The following MAN2B2 variants were observed in gnomAD, a reference collection of about 807,000 sequenced individuals.
MAN2B2 encodes the protein mannosidase alpha class 2B member 2.
In MAN2B2, 106 loss-of-function variants were observed where a neutral mutation model predicts 117.1. The observed-to-expected ratio is 0.90, with a 90% CI of 0.77 to 1.06. MAN2B2 has a LOEUF of 1.06. Among genes scored for constraint, MAN2B2 ranks in the 50% least tolerant of loss-of-function variants. The pLI is 0.00. For synonymous variants in MAN2B2, 544 were observed against 595.1 expected (o/e 0.91, Z 1.25); for missense variants, 1,326 against 1,381.4 (o/e 0.96, Z 0.64).
At chr4:6,584,799 G>A (rs185099715) in intron 3 of MAN2B2, among the ~76,000 whole-genome samples, 84 of 152,342 alleles carry the variant, frequency 5.5e-4, no homozygotes, top group Middle Eastern at 3.4e-3. Context: ...CTGACAGGAG[G>A]GAGTAAGCGT....
At chr4:6,578,583 CTCTG>C in intron 3 of MAN2B2, 85 bp downstream of exon 3, 1 of 1,122,418 alleles carries the variant, frequency 8.9e-7, no homozygotes, top group African/African-American at 1.5e-5. Context: ...AGGTTCTGAG[CTCTG>C]TCTGCCCCTC....
rs758200590 is a variant in MAN2B2, at chr4:6,621,393, C to G, written c.*108C>G. On this transcript the variant is annotated 3_prime_UTR_variant, in exon 19 of 19. Transcript: ENST00000285599. ...CGGAGGGATGGGACTGGGGAGTCAG[C>G]TGCTCATCTGCAGGCTAATGGCAGG... 2 of 794,386 alleles carry G rather than the reference C, an allele frequency of 2.5e-6. No individual in the cohort carries two copies. Among genetic ancestry groups the G allele is most frequent in the Non-Finnish European group, 3.9e-6 (2 of 513,906 alleles). The allele number at this position is 794,386 out of a possible 1,614,324, so 49.2% of individuals were successfully genotyped here. A position where few individuals can be genotyped will look rare whatever the true frequency, so the allele number is the denominator to read the frequency against.
intron 5 of MAN2B2, among the ~76,000 whole-genome samples, chr4:6,591,763 G>A (rs923259720): frequency 3.3e-5 from 5 of 152,142 alleles, no homozygotes; most frequent in African/African-American, 1.2e-4. Context: ...TGGGGACCAG[G>A]AGTGTGGAGC....
intron 3 of MAN2B2, among the ~76,000 whole-genome samples, chr4:6,581,132 C>T (rs1480640397): frequency 6.6e-6 from 1 of 152,102 alleles, no homozygotes; most frequent in Non-Finnish European, 1.5e-5. Flanking sequence ...CTTACAAATG[C>T]TTATTTGTAG....
chr4:6,592,739 C>T (rs1315662601), intron 5 of MAN2B2, among the ~76,000 whole-genome samples: 1 of 152,212 alleles, frequency 6.6e-6, no homozygotes, highest in Non-Finnish European at 1.5e-5. Context: ...TCCACACCCC[C>T]AGCCTAAGGC....
intron 15 of MAN2B2, among the ~76,000 whole-genome samples, chr4:6,611,900 A>T (rs1711586526): frequency 6.6e-6 from 1 of 152,222 alleles, no homozygotes; most frequent in Admixed American, 6.5e-5. Flanking sequence ...CTGTACCTCC[A>T]CTGAGCTTCT....
chr4:6,575,794 ACCT>A (rs1726034712), intron 1 of MAN2B2, among the ~76,000 whole-genome samples: 1 of 151,954 alleles, frequency 6.6e-6, no homozygotes, highest in African/African-American at 2.4e-5. Flanking sequence ...ACCTGTGGTC[ACCT>A]CCTGGTTCTG....
At position 6,576,647 on chromosome 4, in the gene MAN2B2, C is replaced by G. The variant is rs548310163; in HGVS notation, c.208C>G (p.Arg70Gly). ...VVEELARGQQRRFIAVEQEFF... is the reference protein window; with the variant it reads ...VVEELARGQQGRFIAVEQEFF... The stretch of plus-strand genomic sequence containing the variant: ...GGAAGAGCTGGCCCGCGGCCAGCAG[C>G]GCCGGTTCATCGCTGTGGAGCAGGA... Residue 70 changes from arginine to glycine, a missense_variant, in exon 2 of 19, where the codon CGC (arginine) becomes GGC (glycine). Coordinates refer to ENST00000285599, the MANE Select transcript of MAN2B2 (RefSeq NM_015274.3). 6.2e-7 allele frequency: 1 copy of G among 1,613,950 alleles called. No homozygotes were observed. The highest frequency in any genetic ancestry group is 1.1e-5 in the South Asian group (1 of 91,082).
At chr4:6,615,174 T>C (rs981364465) in intron 16 of MAN2B2, among the ~76,000 whole-genome samples, 2 of 152,312 alleles carry the variant, frequency 1.3e-5, no homozygotes, top group African/African-American at 2.4e-5. Context: ...GGCAGGCGGA[T>C]TGCTTGAGCC....
At position 6,620,028 on chromosome 4, in the gene MAN2B2, G is replaced by A; in HGVS notation, c.2916G>A (p.Gly972=). The change falls in exon 18 of 19, where the codon GGG becomes GGA. Residue 972 remains glycine (G), a synonymous_variant. Transcript: ENST00000285599. ...SMLHRWSWRT[G]PGRHRGDTTS... is the part of the protein sequence containing the mutation. Reference sequence around the variant, plus strand: ...TGCACCGCTGGAGCTGGAGGACGGGGCCTGGCCGCCACAGAGGTTTGGGGA... The same window carrying A: ...TGCACCGCTGGAGCTGGAGGACGGGACCTGGCCGCCACAGAGGTTTGGGGA... The A allele has an allele frequency of 6.2e-7, 1 of 1,612,050 alleles. No homozygotes were observed. The highest frequency in any genetic ancestry group is 8.5e-7 in the Non-Finnish European group (1 of 1,179,248).
intron 17 of MAN2B2, 152 bp downstream of exon 17, chr4:6,617,644 G>C: frequency 6.8e-7 from 1 of 1,460,988 alleles, no homozygotes; most frequent in Middle Eastern, 1.8e-4. Flanking sequence ...ATGGTCTTCT[G>C]GGTTTGTCAG....
At chr4:6,617,014 A>G (rs1452835456) in intron 16 of MAN2B2, among the ~76,000 whole-genome samples, 1 of 152,190 alleles carries the variant, frequency 6.6e-6, no homozygotes, top group Non-Finnish European at 1.5e-5. Context: ...AGGCCTCACA[A>G]TCATGGCAGA....
At chr4:6,610,127 T>G (rs1473984009) in intron 13 of MAN2B2, 77 bp downstream of exon 13, 13 of 1,529,178 alleles carry the variant, frequency 8.5e-6, no homozygotes, top group Non-Finnish European at 1.2e-5. Context: ...ATTGCAGCAG[T>G]AGAGGCCAGT....
At chr4:6,602,968 A>G (rs962542190) in intron 10 of MAN2B2, among the ~76,000 whole-genome samples, 4 of 151,940 alleles carry the variant, frequency 2.6e-5, no homozygotes, top group Non-Finnish European at 4.4e-5. Flanking sequence ...GAGCCACCAC[A>G]CCAGGCCTGT....
chr4:6,614,115 A>G lies in MAN2B2; in HGVS notation c.2564-103A>G, dbSNP rs1260665086. 4.9e-6 allele frequency: 7 copies of G among 1,424,016 alleles called. No homozygotes were observed. The African/African-American group carries it at 8.5e-5, about 17-fold the overall frequency. The allele number at this position is 1,424,016 out of a possible 1,614,324, so 88.2% of individuals were successfully genotyped here. ...AGGCTACCCACAAGGATGCATGGGA[A>G]GTGGCTGGCAGGGGCAGGGGCATGT... On this transcript the variant is annotated intron_variant, in intron 15 of 18. Transcript: ENST00000285599.
In MAN2B2 at chr4:6,610,992, TAGG is replaced by T; in HGVS notation, c.2370+6_2370+8del. On this transcript the variant is annotated splice_donor_5th_base_variant and intron_variant, in intron 14 of 18. Transcript: ENST00000285599. Reference sequence around the variant, plus strand: ...AGCCAAGGGAATGGGCAGGTGGAGGTAGGAGGCACGGTCTGTCCTACAGCAGCC... The same window carrying T: ...AGCCAAGGGAATGGGCAGGTGGAGGTAGGCACGGTCTGTCCTACAGCAGCC... The T allele has an allele frequency of 6.2e-7, 1 of 1,613,966 alleles. No individual in the cohort carries two copies. Among genetic ancestry groups the T allele is most frequent in the Non-Finnish European group, 8.5e-7 (1 of 1,179,970 alleles).
chr4:6,606,092 T>G (rs898099587), intron 11 of MAN2B2, among the ~76,000 whole-genome samples: 2 of 152,314 alleles, frequency 1.3e-5, no homozygotes, highest in South Asian at 4.1e-4. Context: ...TCTCCTGATG[T>G]GACCTTCTAA....
chr4:6,617,737 G>A, intron 17 of MAN2B2: 1 of 555,902 alleles, frequency 1.8e-6, no homozygotes, highest in Non-Finnish European at 2.9e-6. Flanking sequence ...CTGGGGTGCA[G>A]TGGCACAATC....
At chr4:6,587,194 C>G in intron 4 of MAN2B2, 26 bp downstream of exon 4, 3 of 1,602,436 alleles carry the variant, frequency 1.9e-6, no homozygotes, top group South Asian at 1.1e-5. Context: ...CGTCTGCTGC[C>G]GCCCAGCGAC....
Sources: allele counts gnomAD v4.1 joint callset (sites outside exome capture counted in the v4.1 genomes callset), GRCh38; gene constraint gnomAD v4.1.1; transcripts MANE v1.5; gene names NCBI Gene and HGNC (gene_info 2026-07-23, HGNC 2026-07-21).